Variants in MAP4K5 observed in about 807,000 individuals in gnomAD.
MAP4K5 encodes mitogen-activated protein kinase kinase kinase kinase 5, also known as MAPK/ERK kinase kinase kinase 5.
In MAP4K5, 82 loss-of-function variants were observed where a neutral mutation model predicts 135.6. The ratio of observed to expected loss-of-function variants is 0.60; its 90% CI spans 0.51 to 0.73. MAP4K5 has a LOEUF of 0.73. Among genes scored for constraint, MAP4K5 ranks in the 30% least tolerant of loss-of-function variants. MAP4K5 has a pLI of 0.00. For missense variants in MAP4K5, 907 were observed against 1,010.9 expected (o/e 0.90, Z 1.39); for synonymous variants, 347 against 335.0 (o/e 1.04, Z -0.39).
chr14:50,435,207 G>T (rs925285331), intron 26 of MAP4K5, 142 bp from the exon 27 acceptor site: 87 of 474,148 alleles, frequency 1.8e-4, no homozygotes, highest in African/African-American at 1.7e-3. Flanking sequence ...TGCCTTTTCC[G>T]TTTTACTTTC....
At chr14:50,473,716 C>CTTTTTTTTTTTTTTTTT (rs398077753) in intron 9 of MAP4K5, among the ~76,000 whole-genome samples, 1 of 95,502 alleles carries the variant, frequency 1.0e-5, no homozygotes, top group African/African-American at 4.7e-5. Flanking sequence ...TTTGGTTTCA[C>CTTTTTTTTTTTTTTTTT]TTTTTTTTTT....
chr14:50,554,222 C>T (rs1486228371), intron 1 of MAP4K5, among the ~76,000 whole-genome samples: 1 of 152,038 alleles, frequency 6.6e-6, no homozygotes, highest in East Asian at 1.9e-4. Flanking sequence ...CATTTGTCAA[C>T]TCAAATTCGT....
chr14:50,449,746 T>C (rs1045137631), intron 14 of MAP4K5: 4 of 152,092 alleles, frequency 2.6e-5, no homozygotes, highest in African/African-American at 9.7e-5. Context: ...TAAAAAGTCC[T>C]GGGACATTAA....
chr14:50,482,480 A>G lies in MAP4K5; in HGVS notation c.323-64T>C, dbSNP rs2037266302. 6.5e-6 allele frequency: 7 copies of G among 1,080,086 alleles called. No individual in the cohort carries two copies. The African/African-American group carries it at 2.3e-4, about 35-fold the overall frequency. The allele number at this position is 1,080,086 out of a possible 1,614,324, so 66.9% of individuals were successfully genotyped here. On this transcript the variant is annotated intron_variant, in intron 5 of 32. Coordinates refer to ENST00000682126, the MANE Select transcript of MAP4K5 (RefSeq NM_006575.6). The stretch of plus-strand genomic sequence containing the variant: ...CCTAACATTAGAAACAGTCTACTTA[A>G]AAAAAATGGCAAACTAGGCCAAGCG...
intron 3 of MAP4K5, 97 bp from the exon 4 acceptor site, chr14:50,486,291 T>A: frequency 3.7e-6 from 2 of 539,930 alleles, no homozygotes; most frequent in Non-Finnish European, 6.6e-6. Context: ...AGATGAGGAA[T>A]GAGGCATTCT....
At chr14:50,485,852 T>C (rs554918882) in intron 4 of MAP4K5, 17 of 545,574 alleles carry the variant, frequency 3.1e-5, no homozygotes, top group Non-Finnish European at 6.4e-6. Flanking sequence ...ATCAGTTTTG[T>C]AAGTTAAAAC....
At chr14:50,501,035 A>G (rs1261862904) in intron 3 of MAP4K5, among the ~76,000 whole-genome samples, 1 of 152,194 alleles carries the variant, frequency 6.6e-6, no homozygotes, top group East Asian at 1.9e-4. Flanking sequence ...TAGTAAATCT[A>G]CTAAATATAA....
At chr14:50,528,683 T>C (rs2038320396) in intron 2 of MAP4K5, among the ~76,000 whole-genome samples, 2 of 152,184 alleles carry the variant, frequency 1.3e-5, no homozygotes, top group Non-Finnish European at 2.9e-5. Flanking sequence ...ATCGTGCCAC[T>C]GGACTCCAGC....
At chr14:50,544,350 AGTGGCTAT>A (rs1389015446) in intron 1 of MAP4K5, among the ~76,000 whole-genome samples, 2 of 152,192 alleles carry the variant, frequency 1.3e-5, no homozygotes, top group African/African-American at 2.4e-5. Flanking sequence ...ACCTCTTCCA[AGTGGCTAT>A]GTCCATCAGG....
At position 50,500,511 on chromosome 14, in the gene MAP4K5, T is replaced by C. The variant is rs75784445; in HGVS notation, c.166+4289A>G. On this transcript the variant is annotated intron_variant, in intron 3 of 32. Transcript: ENST00000682126. ...TATGCGATGAGCTCAGAGAGGTGGA[T>C]AGAACAGATCATGTAGGGTTTTATA... is the stretch of plus-strand genomic sequence containing the variant. 3.1e-3 allele frequency among the ~76,000 whole-genome samples: 469 copies of C among 152,340 alleles called. 18 individuals are homozygous for C. In the East Asian group the frequency reaches 0.069, roughly 22 times the overall value.
chr14:50,534,311 G>C (rs1478509438), upstream of MAP4K5, among the ~76,000 whole-genome samples: 7 of 152,336 alleles, frequency 4.6e-5, no homozygotes, highest in East Asian at 1.3e-3. Context: ...TACGAAACCA[G>C]AACAGTGTGA....
At chr14:50,533,480 A>G (rs572389905), upstream of MAP4K5, 3 of 152,326 alleles carry the variant, frequency 2.0e-5, no homozygotes, top group South Asian at 6.2e-4. Flanking sequence ...CACAGCATAT[A>G]TGGAACAGGA....
At chr14:50,556,438 G>A (rs1400589688) in intron 1 of MAP4K5, among the ~76,000 whole-genome samples, 3 of 151,844 alleles carry the variant, frequency 2.0e-5, no homozygotes, top group Admixed American at 6.6e-5. Context: ...GGCTGGTCTC[G>A]AACTCCTGGC....
At chr14:50,538,109 A>G (rs1319052652) in intron 2 of MAP4K5, among the ~76,000 whole-genome samples, 1 of 152,102 alleles carries the variant, frequency 6.6e-6, no homozygotes, top group East Asian at 1.9e-4. Flanking sequence ...GTGGGAGGTA[A>G]TTGAATCATG....
At chr14:50,497,248 A>T (rs186164840) in intron 3 of MAP4K5, among the ~76,000 whole-genome samples, 1 of 152,216 alleles carries the variant, frequency 6.6e-6, no homozygotes, top group Non-Finnish European at 1.5e-5. Flanking sequence ...TGAATGTACA[A>T]TGTTAAACAG....
At chr14:50,491,890 T>C (rs1383444556) in intron 3 of MAP4K5, among the ~76,000 whole-genome samples, 2 of 152,114 alleles carry the variant, frequency 1.3e-5, no homozygotes, top group Admixed American at 6.5e-5. Context: ...TTTTGCCATG[T>C]TGCCCAGGCT....
At chr14:50,536,177 G>T (rs1365433912), upstream of MAP4K5, among the ~76,000 whole-genome samples, 1 of 152,228 alleles carries the variant, frequency 6.6e-6, no homozygotes, top group Non-Finnish European at 1.5e-5. Context: ...TGGCGCCATG[G>T]CCCATGCCTG....
At chr14:50,441,249 ATATTAAT>A (rs900656426) in intron 21 of MAP4K5, among the ~76,000 whole-genome samples, 7 of 152,160 alleles carry the variant, frequency 4.6e-5, no homozygotes, top group African/African-American at 1.4e-4. Context: ...GTGCATCTCC[ATATTAAT>A]TACCTATAAA....
chr14:50,506,742 G>T (rs1054271594), intron 2 of MAP4K5, among the ~76,000 whole-genome samples: 1 of 152,176 alleles, frequency 6.6e-6, no homozygotes. Flanking sequence ...GGGTAAGAAG[G>T]TGTCTCAGGA....
Sources: gnomAD v4.1 joint callset for allele counts (sites outside exome capture counted in the v4.1 genomes callset) on GRCh38, gnomAD v4.1.1 for gene constraint, MANE v1.5 for transcripts, NCBI Gene and HGNC (gene_info 2026-07-23, HGNC 2026-07-21) for gene names.